MARCHF8: variants seen among roughly 807,000 people sequenced by gnomAD.
MARCHF8 encodes the protein E3 ubiquitin-protein ligase MARCHF8.
A neutral mutation model predicts 51.6 loss-of-function variants in MARCHF8; 40 were observed. The observed-to-expected ratio is 0.77, with a 90% CI of 0.60 to 1.01. The LOEUF is 1.01. Ranked by LOEUF, MARCHF8 falls within the 50% of genes least tolerant of loss-of-function variation. The pLI is 0.00. For synonymous variants in MARCHF8, 263 were observed against 280.3 expected (o/e 0.94, Z 0.62); for missense variants, 685 against 708.6 (o/e 0.97, Z 0.38).
intron 2 of MARCHF8, among the ~76,000 whole-genome samples, chr10:45,516,439 T>C (rs927390278): frequency 6.6e-5 from 10 of 150,602 alleles, no homozygotes; most frequent in South Asian, 2.2e-4. Flanking sequence ...TGTGAGCCAC[T>C]GTGCCTGGCT....
intron 1 of MARCHF8, among the ~76,000 whole-genome samples, chr10:45,565,635 G>T (rs2044356615): frequency 6.6e-6 from 1 of 151,162 alleles, no homozygotes; most frequent in Non-Finnish European, 1.5e-5. Flanking sequence ...CCCTAAAGTA[G>T]AAAAAGAGTA....
chr10:45,544,862 T>C (rs965519339), intron 1 of MARCHF8, among the ~76,000 whole-genome samples: 3 of 152,190 alleles, frequency 2.0e-5, no homozygotes, highest in African/African-American at 7.2e-5. Flanking sequence ...AAGATGCTCA[T>C]TTAATACAGC....
intron 3 of MARCHF8, 118 bp from the exon 4 acceptor site, chr10:45,464,445 C>T (rs148213280): frequency 2.6e-4 from 206 of 790,848 alleles, no homozygotes; most frequent in Non-Finnish European, 8.4e-5. Context: ...CGCTGCTCAA[C>T]GAGTAACACA....
At chr10:45,492,945 A>C (rs1564483025) in intron 2 of MARCHF8, among the ~76,000 whole-genome samples, 1 of 152,240 alleles carries the variant, frequency 6.6e-6, no homozygotes, top group Non-Finnish European at 1.5e-5. Flanking sequence ...GAAAGGTGAC[A>C]ATGAGCACTT....
chr10:45,555,569 C>T (rs1461765321), intron 1 of MARCHF8, among the ~76,000 whole-genome samples: 1 of 151,936 alleles, frequency 6.6e-6, no homozygotes, highest in African/African-American at 2.4e-5. Flanking sequence ...GAGATCCCAT[C>T]TCTCCAAAAA....
At chr10:45,491,697 G>C (rs1284314752) in intron 2 of MARCHF8, among the ~76,000 whole-genome samples, 1 of 152,192 alleles carries the variant, frequency 6.6e-6, no homozygotes, top group Admixed American at 6.5e-5. Context: ...TAAACACAGG[G>C]CACTGCTGTG....
chr10:45,560,582 C>A (rs1191390574), intron 1 of MARCHF8, among the ~76,000 whole-genome samples: 1 of 152,208 alleles, frequency 6.6e-6, no homozygotes, highest in Non-Finnish European at 1.5e-5. Context: ...TGACTCTTTA[C>A]AGCACCCTCC....
intron 1 of MARCHF8, among the ~76,000 whole-genome samples, chr10:45,559,991 C>T (rs985972285): frequency 6.6e-6 from 1 of 152,154 alleles, no homozygotes; most frequent in Non-Finnish European, 1.5e-5. Flanking sequence ...CTCCCCGCAA[C>T]ACACAGACAG....
upstream of MARCHF8, among the ~76,000 whole-genome samples, chr10:45,538,742 G>C (rs189503530): frequency 1.3e-5 from 2 of 152,228 alleles, no homozygotes; most frequent in Admixed American, 1.3e-4. Flanking sequence ...AATGGTAAAG[G>C]GATCAATTCA....
At chr10:45,594,242 TTCC>T (rs1315043228) in exon 1 of MARCHF8, 1 of 152,212 alleles carries the variant, frequency 6.6e-6, no homozygotes, top group Non-Finnish European at 1.5e-5. Flanking sequence ...TACCTATGCT[TTCC>T]TTCTGGCACC....
At chr10:45,464,027 G>C (rs1423411609) in intron 4 of MARCHF8, 31 bp from the exon 5 acceptor site, 3 of 1,510,762 alleles carry the variant, frequency 2.0e-6, no homozygotes, top group Non-Finnish European at 2.6e-6. Context: ...TAAAAGCACA[G>C]AAAGTAAAAA....
intron 1 of MARCHF8, among the ~76,000 whole-genome samples, chr10:45,590,656 T>A (rs555267887): frequency 6.6e-6 from 1 of 152,374 alleles, no homozygotes; most frequent in East Asian, 1.9e-4. Context: ...TGATGCCATT[T>A]ATATAAAGTT....
chr10:45,541,181 CAAT>C (rs2044046744), intron 1 of MARCHF8, among the ~76,000 whole-genome samples: 1 of 152,122 alleles, frequency 6.6e-6, no homozygotes, highest in African/African-American at 2.4e-5. Context: ...AAATGTCCAA[CAAT>C]GATAGACTGG....
chr10:45,545,712 G>A (rs2044111237), intron 1 of MARCHF8, among the ~76,000 whole-genome samples: 1 of 152,216 alleles, frequency 6.6e-6, no homozygotes, highest in African/African-American at 2.4e-5. Flanking sequence ...AAAACGCAAT[G>A]CTGGATAGAT....
rs768704545 is a variant in MARCHF8 at position 45,463,936 on chromosome 10, C to G, written c.303G>C (p.Ser101=). 6.5e-7 allele frequency: 1 copy of G among 1,536,136 alleles called. No individual in the cohort carries two copies. Among genetic ancestry groups the G allele is most frequent in the East Asian group, 2.4e-5 (1 of 40,922 alleles). ...GAGAACTCTGGCAGTGAGGAGCTTT[C>G]GAGACAACAGCAGACTGCACGGAAC... is the stretch of plus-strand genomic sequence containing the variant. The part of the protein sequence containing the change: ...HHSSVQSAVV[S]KAPHCQSSLT... Residue 101 remains serine, a synonymous_variant, in exon 5 of 8, where the codon TCG becomes TCC. Transcript: ENST00000453424.
rs1471734926 is a variant in MARCHF8 at position 45,484,854 on chromosome 10, T to TATTGCAC, written c.153+4506_153+4512dup. Among the ~76,000 whole-genome samples, 38 of 152,096 alleles carry TATTGCAC rather than the reference T, an allele frequency of 2.5e-4. 1 individual carries two copies. Among genetic ancestry groups the TATTGCAC allele is most frequent in the Admixed American group, 2.5e-3 (38 of 15,252 alleles). On this transcript the variant is annotated intron_variant, in intron 3 of 7. Transcript: ENST00000453424. ...ACCTAGATCATCATGACCAAGGGGATATTGCACAGGATCAGGTTCCAAGTG... is the reference window on the plus strand; with the variant it reads ...ACCTAGATCATCATGACCAAGGGGATATTGCACATTGCACAGGATCAGGTTCCAAGTG...
intron 3 of MARCHF8, among the ~76,000 whole-genome samples, chr10:45,481,597 C>T (rs1363973555): frequency 1.2e-4 from 18 of 152,184 alleles, no homozygotes; most frequent in Admixed American, 6.5e-5. Flanking sequence ...AAACCTCTTT[C>T]GCTTGGTTCT....
At chr10:45,521,738 G>A (rs568374756) in intron 2 of MARCHF8, among the ~76,000 whole-genome samples, 31 of 151,958 alleles carry the variant, frequency 2.0e-4, no homozygotes, top group Admixed American at 5.9e-4. Flanking sequence ...GCTCACTTTC[G>A]GCAAGCATAA....
intron 1 of MARCHF8, among the ~76,000 whole-genome samples, chr10:45,565,655 A>T (rs2044356839): frequency 6.6e-6 from 1 of 152,192 alleles, no homozygotes; most frequent in Admixed American, 6.5e-5. Context: ...AGCAGGAAAA[A>T]AAAAGGACAC....
Sources: gnomAD v4.1 joint callset for allele counts (sites outside exome capture counted in the v4.1 genomes callset) on GRCh38, gnomAD v4.1.1 for gene constraint, MANE v1.5 for transcripts, NCBI Gene and HGNC (gene_info 2026-07-23, HGNC 2026-07-21) for gene names.